MCM5: variants seen among roughly 807,000 people sequenced by gnomAD.
The protein encoded by MCM5 is minichromosome maintenance complex component 5.
A neutral mutation model predicts 79.9 loss-of-function variants in MCM5; 46 were observed. That is an observed-to-expected ratio of 0.58 (90% confidence interval 0.45 to 0.74). MCM5 has a LOEUF of 0.74. Among genes scored for constraint, MCM5 ranks in the 30% least tolerant of loss-of-function variants. MCM5 has a pLI of 0.00. For missense variants in MCM5, 883 were observed against 1,017.0 expected (o/e 0.87, Z 1.79); for synonymous variants, 404 against 390.5 (o/e 1.03, Z -0.41).
At chr22:35,431,044 C>T in the MCM5 span, among the ~76,000 whole-genome samples, 6 of 152,198 alleles carry the variant, frequency 3.9e-5, no homozygotes, top group African/African-American at 4.8e-5. Context: ...ACCCACCCGG[C>T]CTGGCCTGCA....
At chr22:35,423,541 T>C (rs1489316725) in intron 16 of MCM5, 200 bp downstream of exon 16, 3 of 484,002 alleles carry the variant, frequency 6.2e-6, no homozygotes, top group Non-Finnish European at 1.0e-5. Flanking sequence ...GATGGGGGTA[T>C]TTTTTCTGTC....
chr22:35,423,166 C>A (rs373321540), intron 15 of MCM5, 48 bp from the exon 16 acceptor site: 2 of 1,512,296 alleles, frequency 1.3e-6, no homozygotes, highest in Non-Finnish European at 1.8e-6. Context: ...TGTCCAAGAA[C>A]TCCCATTGTC....
rs1187584792 is a variant in MCM5, at chr22:35,410,738, T to G, written c.753-6T>G. ...TTTTCTCCTTTCTCCTCTACCCTCC[T>G]CTCAGGTACCTGTGTGACAAGGTCG... is the stretch of plus-strand genomic sequence containing the variant. On this transcript the variant is annotated splice_region_variant and splice_polypyrimidine_tract_variant and intron_variant, in intron 6 of 16. Coordinates refer to ENST00000216122, the MANE Select transcript of MCM5 (RefSeq NM_006739.4). The G allele has an allele frequency of 6.2e-6, 10 of 1,613,612 alleles. No homozygotes were observed. Among genetic ancestry groups the G allele is most frequent in the Non-Finnish European group, 8.5e-6 (10 of 1,179,648 alleles).
chr22:35,410,558 G>T, intron 6 of MCM5, 186 bp from the exon 7 acceptor site: 1 of 620,774 alleles, frequency 1.6e-6, no homozygotes, highest in Admixed American at 2.2e-5. Flanking sequence ...GCTGAGCATG[G>T]GCTGAGTGAC....
the MCM5 span, among the ~76,000 whole-genome samples, chr22:35,434,673 T>C: frequency 6.6e-6 from 1 of 152,180 alleles, no homozygotes; most frequent in South Asian, 2.1e-4. Flanking sequence ...GAGGAACTAT[T>C]AGTGAATGCC....
chr22:35,415,691 C>T, intron 9 of MCM5, 138 bp from the exon 10 acceptor site: 1 of 937,672 alleles, frequency 1.1e-6, no homozygotes, highest in Non-Finnish European at 1.6e-6. Flanking sequence ...GAGTTGGAGC[C>T]TTGAGTCCTA....
the MCM5 span, among the ~76,000 whole-genome samples, chr22:35,447,186 G>A: frequency 6.6e-6 from 1 of 152,060 alleles, no homozygotes; most frequent in Non-Finnish European, 1.5e-5. Flanking sequence ...TTGCTGTGAG[G>A]ATTCGACATG....
intron 14 of MCM5, among the ~76,000 whole-genome samples, chr22:35,420,785 A>G (rs1932673548): frequency 1.3e-5 from 2 of 152,288 alleles, no homozygotes; most frequent in Admixed American, 6.5e-5. Context: ...AACCTGGTAC[A>G]AAAGATGTCT....
intron 9 of MCM5, among the ~76,000 whole-genome samples, chr22:35,414,219 T>C (rs1932472555): frequency 6.6e-6 from 1 of 152,160 alleles, no homozygotes; most frequent in Non-Finnish European, 1.5e-5. Flanking sequence ...AGGATGGGGT[T>C]TGGGTCTCAC....
downstream of MCM5, among the ~76,000 whole-genome samples, chr22:35,425,765 G>C (rs981761870): frequency 2.0e-5 from 3 of 151,838 alleles, no homozygotes; most frequent in Admixed American, 6.6e-5. Context: ...CGTCCTGCTT[G>C]TTCATGGAGT....
At chr22:35,446,133 A>G in the MCM5 span, among the ~76,000 whole-genome samples, 2 of 152,340 alleles carry the variant, frequency 1.3e-5, no homozygotes, top group Middle Eastern at 3.4e-3. Flanking sequence ...AATCATCCCA[A>G]TGAAAAAACT....
chr22:35,449,121 T>C, the MCM5 span, among the ~76,000 whole-genome samples: 1 of 152,124 alleles, frequency 6.6e-6, no homozygotes, highest in Non-Finnish European at 1.5e-5. Flanking sequence ...GCAACCCGTA[T>C]GGGCTTTGCA....
chr22:35,416,426 G>T, intron 11 of MCM5, 22 bp downstream of exon 11: 1 of 1,610,538 alleles, frequency 6.2e-7, no homozygotes. Flanking sequence ...TCCATGGAGA[G>T]CCCAGCCTGC....
intron 9 of MCM5, among the ~76,000 whole-genome samples, chr22:35,415,192 C>G (rs1932506592): frequency 6.6e-6 from 1 of 151,928 alleles, no homozygotes; most frequent in African/African-American, 2.4e-5. Flanking sequence ...GACCCCGTTT[C>G]AATTTAAAAG....
chr22:35,438,797 ATCCATCCATCCATCCATCCG>A, the MCM5 span, among the ~76,000 whole-genome samples: 5 of 149,630 alleles, frequency 3.3e-5, no homozygotes, highest in South Asian at 2.1e-4. Flanking sequence ...CCATCCATCC[ATCCATCCATCCATCCATCCG>A]TCCATCCACA....
rs138575395 is a variant in MCM5 at position 35,417,207 on chromosome 22, A to G, written c.1590+393A>G. ...TGGTAAGTCCGGCGGCTTAAGGCCC[A>G]GGTAGATCTGGATTCTCAAACAACT... On this transcript the variant is annotated intron_variant, in intron 12 of 16. Transcript: ENST00000216122. Among the ~76,000 whole-genome samples the G allele has an allele frequency of 3.9e-3, 599 of 152,354 alleles. 7 individuals carry two copies. Among genetic ancestry groups the G allele is most frequent in the African/African-American group, 0.013 (557 of 41,590 alleles).
the MCM5 span, among the ~76,000 whole-genome samples, chr22:35,452,730 C>T: frequency 2.6e-5 from 4 of 152,140 alleles, no homozygotes; most frequent in African/African-American, 7.2e-5. Flanking sequence ...CCGACTCCTC[C>T]GCTGGGGTGG....
the MCM5 span, among the ~76,000 whole-genome samples, chr22:35,431,587 C>T: frequency 1.3e-5 from 2 of 152,146 alleles, no homozygotes; most frequent in African/African-American, 2.4e-5. Flanking sequence ...GTCTTGTCTC[C>T]TCCTGATATA....
intron 15 of MCM5, 99 bp downstream of exon 15, chr22:35,421,559 T>A (rs1296525426): frequency 8.5e-6 from 13 of 1,535,744 alleles, no homozygotes; most frequent in Non-Finnish European, 1.2e-5. Context: ...GCAGTGTGTG[T>A]CTTGCTTCTC....
Sources: gnomAD v4.1 joint callset for allele counts (sites outside exome capture counted in the v4.1 genomes callset) on GRCh38, gnomAD v4.1.1 for gene constraint, MANE v1.5 for transcripts, NCBI Gene and HGNC (gene_info 2026-07-23, HGNC 2026-07-21) for gene names.